Variants in RP1L1 observed in about 807,000 individuals in gnomAD.
RP1L1 encodes retinitis pigmentosa 1-like 1 protein.
RP1L1 carries 27 observed loss-of-function variants against 15.7 expected under a neutral mutation model. The ratio of observed to expected loss-of-function variants is 1.72; its 90% CI spans 1.27 to 2.38. RP1L1 has a LOEUF of 2.38. Among genes scored for constraint, RP1L1 ranks in the 30% most tolerant of loss-of-function variants. RP1L1 has a pLI of 0.00. For synonymous variants in RP1L1, 1,813 were observed against 1,276.7 expected (o/e 1.42, Z -8.96); for missense variants, 4,798 against 3,075.9 (o/e 1.56, Z -13.24).
intron 1 of RP1L1, among the ~76,000 whole-genome samples, chr8:10,643,637 G>C (rs745347909): frequency 3.9e-5 from 6 of 152,108 alleles, no homozygotes; most frequent in Non-Finnish European, 8.8e-5. Context: ...GTAGCAAAGA[G>C]TCTGGGAAAA....
intron 1 of RP1L1, among the ~76,000 whole-genome samples, chr8:10,643,817 G>A (rs1033277591): frequency 1.6e-4 from 25 of 152,038 alleles, no homozygotes; most frequent in African/African-American, 5.8e-4. Flanking sequence ...GCGGGGCAGA[G>A]CATCCAGTTC....
Position 10,625,099 on chromosome 8 carries a change from C to T in RP1L1, c.-19-1879G>A, listed in dbSNP as rs374620149. Among the ~76,000 whole-genome samples the T allele has an allele frequency of 2.0e-4, 31 of 152,334 alleles. 1 individual carries two copies. Among genetic ancestry groups the T allele is most frequent in the South Asian group, 1.9e-3 (9 of 4,824 alleles). On this transcript the variant is annotated intron_variant, in intron 1 of 3. Transcript: ENST00000382483. ...ACTGAGGGTGAACAATCAGCTGATA[C>T]GCAAAATCGCGTATCAGTCACTTTT...
Position 10,606,565 on chromosome 8 carries a change from A to C in RP1L1, c.*330T>G, listed in dbSNP as rs60196627. On this transcript the variant is annotated 3_prime_UTR_variant, in exon 4 of 4. Coordinates refer to ENST00000382483, the MANE Select transcript of RP1L1 (RefSeq NM_178857.6). The stretch of plus-strand genomic sequence containing the variant: ...CTAGCAGAAAACAAACCCACAAACA[A>C]AAGCTAAACTGGAGCCTTTCCAATC... 46,691 of 326,108 alleles carry C rather than the reference A, an allele frequency of 0.14. 4,178 individuals are homozygous for C. The highest frequency in any genetic ancestry group is 0.4 in the East Asian group (5,584 of 14,048). The allele number at this position is 326,108 out of a possible 1,614,324, so 20.2% of individuals were successfully genotyped here. A position where few individuals can be genotyped will look rare whatever the true frequency, so the allele number is the denominator to read the frequency against.
chr8:10,608,769 G>T lies in RP1L1; in HGVS notation c.5329C>A (p.His1777Asn), dbSNP rs758052748. The change falls in exon 4 of 4, where the codon CAC (histidine) becomes AAC (asparagine). Residue 1777 changes from histidine to asparagine, a missense_variant. His to Asn is a moderately conservative substitution (Grantham distance 68). Transcript: ENST00000382483. ...AMAQEREGKTHNSETSAGSEL... is the reference protein window; with the variant it reads ...AMAQEREGKTNNSETSAGSEL... Reference sequence around the variant, plus strand: ...CTGCCCGCACTGGTTTCACTGTTGTGGGTTTTCCCTTCTCTCTCCTGAGCC... The same window carrying T: ...CTGCCCGCACTGGTTTCACTGTTGTTGGTTTTCCCTTCTCTCTCCTGAGCC... 6.2e-7 allele frequency: 1 copy of T among 1,614,042 alleles called. No individual in the cohort carries two copies. The highest frequency in any genetic ancestry group is 8.5e-7 in the Non-Finnish European group (1 of 1,180,042).
At chr8:10,617,546 CTTTTTTTTTTTTTTTTT>C (rs777209714) in intron 2 of RP1L1, among the ~76,000 whole-genome samples, 4 of 63,418 alleles carry the variant, frequency 6.3e-5, no homozygotes, top group East Asian at 5.8e-4. Flanking sequence ...GTTTCTTTTT[CTTTTTTTTTTTTTTTTT>C]TTTTTTTTTT....
intron 2 of RP1L1, chr8:10,621,685 C>G (rs1311569026): frequency 2.2e-5 from 11 of 489,488 alleles, no homozygotes; most frequent in Non-Finnish European, 4.1e-5. Context: ...AGCAACAGGA[C>G]TGAATCTTGA....
At chr8:10,613,801 A>T (rs73201159) in intron 3 of RP1L1, among the ~76,000 whole-genome samples, 23,270 of 151,618 alleles carry the variant, frequency 0.15, 2,066 homozygotes, top group South Asian at 0.36. Context: ...AAGAAAAGAA[A>T]AAAAAAAGCA....
chr8:10,628,450 C>T (rs1798191005), intron 1 of RP1L1, among the ~76,000 whole-genome samples: 1 of 152,134 alleles, frequency 6.6e-6, no homozygotes, highest in African/African-American at 2.4e-5. Context: ...AGTGCATGGG[C>T]TCCTGCAGCT....
rs545514956 is a variant in RP1L1, at chr8:10,621,630, G to C, written c.609+963C>G. ...CGTGCGCCACTGTGCCCAGTGATAT[G>C]ATATTTATGAAGTATTGGTGGAATG... On this transcript the variant is annotated intron_variant, in intron 2 of 3. Coordinates refer to ENST00000382483, the MANE Select transcript of RP1L1 (RefSeq NM_178857.6). 13 of 448,358 alleles carry C rather than the reference G, an allele frequency of 2.9e-5. 1 individual carries two copies. The highest frequency in any genetic ancestry group is 5.9e-5 in the Non-Finnish European group (13 of 219,938). The allele number at this position is 448,358 out of a possible 1,614,324, so 27.8% of individuals were successfully genotyped here. A position where few individuals can be genotyped will look rare whatever the true frequency, so the allele number is the denominator to read the frequency against.
chr8:10,626,870 C>G (rs10102676), intron 1 of RP1L1, among the ~76,000 whole-genome samples: 137,467 of 152,202 alleles, frequency 0.9, 62,320 homozygotes, highest in Non-Finnish European at 0.93. Flanking sequence ...GCAGGAGCCA[C>G]TGTGCTCCAA....
chr8:10,610,031 A>G lies in RP1L1; in HGVS notation c.4067T>C (p.Leu1356Ser), dbSNP rs750375028. 1.5e-6 allele frequency: 2 copies of G among 1,366,422 alleles called. No individual in the cohort carries two copies. Among genetic ancestry groups the G allele is most frequent in the Non-Finnish European group, 1.9e-6 (2 of 1,047,720 alleles). The allele number at this position is 1,366,422 out of a possible 1,614,324, so 84.6% of individuals were successfully genotyped here. ...TCCTCCTGTTTCTTCAATTTCCTCT[A>G]ACTGCGCCTCTTCTTCTTGCTGTCC... ...GEGQQEEEAQLEEIEETGGEG... is the reference protein window; with the variant it reads ...GEGQQEEEAQSEEIEETGGEG... The change falls in exon 4 of 4, where the codon TTA becomes TCA. Residue 1356 changes from leucine to serine, a missense_variant. Leu to Ser is a moderately radical substitution (Grantham distance 145). Coordinates refer to ENST00000382483, the MANE Select transcript of RP1L1 (RefSeq NM_178857.6).
At chr8:10,645,808 C>A (rs1429641549) in intron 1 of RP1L1, among the ~76,000 whole-genome samples, 1 of 152,212 alleles carries the variant, frequency 6.6e-6, no homozygotes, top group East Asian at 1.9e-4. Flanking sequence ...GAAGGACACG[C>A]TCACCTATTG....
In RP1L1 at chr8:10,626,780, C is replaced by G. The variant is rs28398105; in HGVS notation, c.-19-3560G>C. Reference sequence around the variant, plus strand: ...AAAGACAGAATGACAAAAAGCGAAGCACAAATTGCTCACATTTCCACGAGA... The same window carrying G: ...AAAGACAGAATGACAAAAAGCGAAGGACAAATTGCTCACATTTCCACGAGA... On this transcript the variant is annotated intron_variant, in intron 1 of 3. Coordinates refer to ENST00000382483, the MANE Select transcript of RP1L1 (RefSeq NM_178857.6). 6.6e-3 allele frequency among the ~76,000 whole-genome samples: 1,001 copies of G among 152,284 alleles called. 9 individuals carry two copies. Among genetic ancestry groups the G allele is most frequent in the African/African-American group, 0.023 (944 of 41,550 alleles).
rs546547046 is a variant in RP1L1 at position 10,616,713 on chromosome 8, C to G, written c.610-126G>C. ...ATTTCTGCACATCTCACCCCAGACT[C>G]CTGGTCCAAGGAGGGGTCTTATCCA... On this transcript the variant is annotated intron_variant, in intron 2 of 3. Coordinates refer to ENST00000382483, the MANE Select transcript of RP1L1 (RefSeq NM_178857.6). 5 of 1,143,766 alleles carry G rather than the reference C, an allele frequency of 4.4e-6. No homozygotes were observed. In the African/African-American group the frequency reaches 6.2e-5, roughly 14 times the overall value. 70.9% of individuals were successfully genotyped at this position (1,143,766 alleles called of 1,614,324 possible). A position where few individuals can be genotyped will look rare whatever the true frequency, so the allele number is the denominator to read the frequency against.
Position 10,608,864 on chromosome 8 carries a change from T to A in RP1L1, c.5234A>T (p.Asp1745Val), listed in dbSNP as rs770762993. The A allele has an allele frequency of 1.2e-6, 2 of 1,613,866 alleles. No individual in the cohort carries two copies. Among genetic ancestry groups the A allele is most frequent in the Non-Finnish European group, 1.7e-6 (2 of 1,180,034 alleles). Reference protein sequence around the residue: ...SQGPGVDEGEDGEGSQRLNRD... With the variant: ...SQGPGVDEGEVGEGSQRLNRD... Reference sequence around the variant, plus strand: ...GTTGAGTCTCTGGCTCCCCTCGCCATCCTCACCCTCGTCCACTCCAGGCCC... The same window carrying A: ...GTTGAGTCTCTGGCTCCCCTCGCCAACCTCACCCTCGTCCACTCCAGGCCC... Residue 1745 changes from aspartate (D) to valine (V), a missense_variant, in exon 4 of 4, where the codon GAT becomes GTT. Asp to Val is a radical substitution (Grantham distance 152, BLOSUM62 -3). Coordinates refer to ENST00000382483, the MANE Select transcript of RP1L1 (RefSeq NM_178857.6).
chr8:10,644,126 C>CTGCCATCTTA (rs1045840307), intron 1 of RP1L1, among the ~76,000 whole-genome samples: 1 of 152,044 alleles, frequency 6.6e-6, no homozygotes, highest in African/African-American at 2.4e-5. Flanking sequence ...GCTCTGCCCC[C>CTGCCATCTTA]TGCCATCTTA....
In RP1L1 at chr8:10,610,809, G is replaced by T. The variant is rs372550700; in HGVS notation, c.3289C>A (p.Pro1097Thr). The change falls in exon 4 of 4, where the codon CCC becomes ACC. Residue 1097 changes from proline to threonine, a missense_variant. Physicochemically the swap from Pro to Thr is conservative, Grantham distance 38. Coordinates refer to ENST00000382483, the MANE Select transcript of RP1L1 (RefSeq NM_178857.6). ...RALMGSKQGRPSSVPEVSRPM... is the reference protein window; with the variant it reads ...RALMGSKQGRTSSVPEVSRPM... ...CTAGACACTTCGGGCACGCTGCTGG[G>T]CCGGCCCTGCTTGGAGCCCATCAGC... is the stretch of plus-strand genomic sequence containing the variant. 144 of 1,609,376 alleles carry T rather than the reference G, an allele frequency of 8.9e-5. No homozygotes were observed. The highest frequency in any genetic ancestry group is 1.1e-4 in the Non-Finnish European group (131 of 1,177,352).
rs200403049 is a variant in RP1L1 at position 10,607,182 on chromosome 8, A to T, written c.6916T>A (p.Trp2306Arg). Residue 2306 changes from tryptophan (W) to arginine (R), a missense_variant, in exon 4 of 4, where the codon TGG (tryptophan) becomes AGG (arginine). Transcript: ENST00000382483. Reference sequence around the variant, plus strand: ...GAGTCTTTCTGCCAGCAGTTGCCCCAAGAGGATGCTCTGGAGGAGGAAGGG... The same window carrying T: ...GAGTCTTTCTGCCAGCAGTTGCCCCTAGAGGATGCTCTGGAGGAGGAAGGG... ...TGPSSSRASS[W>R]GNCWQKDSEN... 7.5e-4 allele frequency: 1,210 copies of T among 1,614,206 alleles called. 7 individuals are homozygous for T. The African/African-American group carries it at 0.013, about 17-fold the overall frequency.
At chr8:10,649,938 C>A (rs890518022) in intron 1 of RP1L1, among the ~76,000 whole-genome samples, 1 of 152,136 alleles carries the variant, frequency 6.6e-6, no homozygotes, top group African/African-American at 2.4e-5. Context: ...TTTGGGCGGC[C>A]TGCAGTTGCT....
Sources: allele counts gnomAD v4.1 joint callset (sites outside exome capture counted in the v4.1 genomes callset), GRCh38; gene constraint gnomAD v4.1.1; transcripts MANE v1.5; gene names NCBI Gene and HGNC (gene_info 2026-07-23, HGNC 2026-07-21).